Variants in KDM4C observed in about 807,000 individuals in gnomAD.
KDM4C encodes the protein lysine-specific demethylase 4C.
Under a neutral mutation model 129.3 loss-of-function variants are expected in KDM4C, and 81 were observed. The observed-to-expected ratio is 0.63, with a 90% confidence interval of 0.52 to 0.75. The LOEUF (loss-of-function observed/expected upper bound fraction) is 0.75. Ranked by LOEUF, KDM4C falls within the 30% of genes least tolerant of loss-of-function variation. The pLI is 0.00. For synonymous variants in KDM4C, 573 were observed against 456.1 expected (o/e 1.26, Z -3.26); for missense variants, 1,457 against 1,304.0 (o/e 1.12, Z -1.81).
rs151159098 is a variant in KDM4C, at chr9:7,073,181, A to C, written c.2424+23981A>C. ...CTTAGAATGCTTTTGGCATAGATCT[A>C]CCTCCATTTAGAATGTTCCGATCTA... On this transcript the variant is annotated intron_variant, in intron 17 of 21. Transcript: ENST00000381309. Among the ~76,000 whole-genome samples, 20 of 152,252 alleles carry C rather than the reference A, an allele frequency of 1.3e-4. No homozygotes were observed. In the South Asian group the frequency reaches 4.1e-3, roughly 32 times the overall value.
chr9:6,856,747 ATTTTTTT>A (rs781673639), intron 5 of KDM4C, among the ~76,000 whole-genome samples: 3 of 104,276 alleles, frequency 2.9e-5, no homozygotes, highest in African/African-American at 1.1e-4. Context: ...TAATTTTTGT[ATTTTTTT>A]TTTTTTTTTT....
chr9:6,982,166 AAC>A (rs2131822712), intron 9 of KDM4C: 1 of 152,086 alleles, frequency 6.6e-6, no homozygotes, highest in Non-Finnish European at 1.5e-5. Flanking sequence ...TTAACTAAGT[AAC>A]ACCATAATTT....
intron 1 of KDM4C, among the ~76,000 whole-genome samples, chr9:6,751,493 A>T (rs1174845707): frequency 6.6e-6 from 1 of 152,140 alleles, no homozygotes; most frequent in Non-Finnish European, 1.5e-5. Context: ...GCAGGTGGGG[A>T]TATAGCTGAT....
chr9:6,977,699 A>G (rs533060227), intron 8 of KDM4C, among the ~76,000 whole-genome samples: 1 of 152,078 alleles, frequency 6.6e-6, no homozygotes, highest in Non-Finnish European at 1.5e-5. Context: ...TGTTTGCTCT[A>G]GATGTGAAGC....
At position 7,175,042 on chromosome 9, in the gene KDM4C, G is replaced by A; in HGVS notation, c.*313G>A. 1 of 225,410 alleles carries A rather than the reference G, an allele frequency of 4.4e-6. No individual in the cohort carries two copies. The highest frequency in any genetic ancestry group is 9.0e-6 in the Non-Finnish European group (1 of 111,534). 14.0% of individuals were successfully genotyped at this position (225,410 alleles called of 1,614,324 possible). On this transcript the variant is annotated 3_prime_UTR_variant, in exon 22 of 22. Coordinates refer to ENST00000381309, the MANE Select transcript of KDM4C (RefSeq NM_015061.6). ...ACAAGGAAAAGCCACTGCCACAGAG[G>A]AGGCGGGTCCCCTTGTGCGGCTTAG...
At chr9:6,833,121 G>A (rs1254317987) in intron 4 of KDM4C, among the ~76,000 whole-genome samples, 1 of 151,758 alleles carries the variant, frequency 6.6e-6, no homozygotes, top group Non-Finnish European at 1.5e-5. Context: ...GGCTGTTTTA[G>A]TATATGTTGA....
intron 4 of KDM4C, among the ~76,000 whole-genome samples, chr9:6,832,948 C>T (rs1475387918): frequency 6.7e-6 from 1 of 150,128 alleles, no homozygotes; most frequent in Non-Finnish European, 1.5e-5. Flanking sequence ...GTTGGCCAGG[C>T]TGGTCTTGAA....
chr9:7,058,898 C>A (rs974832453), intron 17 of KDM4C, among the ~76,000 whole-genome samples: 1 of 151,404 alleles, frequency 6.6e-6, no homozygotes, highest in Non-Finnish European at 1.5e-5. Flanking sequence ...GCAATCATTA[C>A]TTTGATTTGT....
intron 15 of KDM4C, among the ~76,000 whole-genome samples, chr9:7,039,379 A>C (rs904338596): frequency 6.6e-6 from 1 of 151,990 alleles, no homozygotes; most frequent in Non-Finnish European, 1.5e-5. Context: ...GTCTAATTTC[A>C]ATTTTTTTGT....
intron 8 of KDM4C, among the ~76,000 whole-genome samples, chr9:6,978,266 AC>A (rs1833261951): frequency 6.6e-6 from 1 of 152,188 alleles, no homozygotes. Flanking sequence ...TGTGGGTCTT[AC>A]AGTTTCTCAG....
At chr9:6,983,992 T>G (rs978515448) in intron 9 of KDM4C, among the ~76,000 whole-genome samples, 174 bp from the exon 10 acceptor site, 3 of 152,244 alleles carry the variant, frequency 2.0e-5, no homozygotes, top group Admixed American at 6.5e-5. Flanking sequence ...AAAATTGTGT[T>G]TAAGATTTTG....
At chr9:7,007,931 T>C (rs1355324480) in intron 12 of KDM4C, among the ~76,000 whole-genome samples, 1 of 152,226 alleles carries the variant, frequency 6.6e-6, no homozygotes, top group African/African-American at 2.4e-5. Context: ...GGAATAGGAC[T>C]TCACAGCGCT....
intron 12 of KDM4C, among the ~76,000 whole-genome samples, chr9:6,998,438 C>T (rs182727747): frequency 4.5e-4 from 69 of 152,230 alleles, no homozygotes; most frequent in African/African-American, 2.9e-4. Flanking sequence ...CAGGAAGTCC[C>T]GTTTGACTAA....
At chr9:6,997,986 C>A (rs996428186) in intron 12 of KDM4C, among the ~76,000 whole-genome samples, 2 of 152,182 alleles carry the variant, frequency 1.3e-5, no homozygotes, top group African/African-American at 2.4e-5. Flanking sequence ...GCAGCCTCAT[C>A]TGTTAATACA....
rs57999664 is a variant in KDM4C at position 6,749,986 on chromosome 9, C to CA, written c.49+29016dup. ...GGGCAACAACAGTGAAACTCCTTCT[C>CA]AAAAAAAAAAAAAAAAAAAAAAAAA... is the stretch of plus-strand genomic sequence containing the variant. On this transcript the variant is annotated intron_variant, in intron 1 of 17. Coordinates refer to the KDM4C transcript ENST00000536108. Among the ~76,000 whole-genome samples, 398 of 55,502 alleles carry CA rather than the reference C, an allele frequency of 7.2e-3. 16 individuals carry two copies. Among genetic ancestry groups the CA allele is most frequent in the Non-Finnish European group, 8.2e-3 (194 of 23,756 alleles). The allele number at this position is 55,502 out of a possible 152,430, so 36.4% of individuals were successfully genotyped here.
chr9:7,006,706 C>G (rs1008052498), intron 12 of KDM4C, among the ~76,000 whole-genome samples: 4 of 152,066 alleles, frequency 2.6e-5, no homozygotes, highest in Non-Finnish European at 5.9e-5. Flanking sequence ...ACTCATATTT[C>G]TTTTTGAGGA....
chr9:6,984,028 G>C (rs1817241463), intron 9 of KDM4C, 138 bp from the exon 10 acceptor site: 1 of 585,192 alleles, frequency 1.7e-6, no homozygotes, highest in Non-Finnish European at 3.1e-6. Flanking sequence ...ATTCAGTTGT[G>C]AACATTGACT....
intron 17 of KDM4C, among the ~76,000 whole-genome samples, chr9:7,093,545 G>T (rs1438516941): frequency 2.0e-5 from 3 of 152,106 alleles, no homozygotes; most frequent in African/African-American, 7.2e-5. Flanking sequence ...ACTTGGCATT[G>T]GATGGTCCGC....
chr9:6,813,927 A>G (rs530091367), intron 3 of KDM4C, among the ~76,000 whole-genome samples: 1 of 152,272 alleles, frequency 6.6e-6, no homozygotes, highest in South Asian at 2.1e-4. Context: ...TTTTTTAGCT[A>G]ATTACTAGTT....
Sources: allele counts gnomAD v4.1 joint callset (sites outside exome capture counted in the v4.1 genomes callset), GRCh38; gene constraint gnomAD v4.1.1; transcripts MANE v1.5; gene names NCBI Gene and HGNC (gene_info 2026-07-23, HGNC 2026-07-21).